The following AKAP10 variants were observed in gnomAD, a reference collection of about 807,000 sequenced individuals.
The protein encoded by AKAP10 is A-kinase anchoring protein 10.
A neutral mutation model predicts 80.8 loss-of-function variants in AKAP10; 24 were observed. The observed-to-expected ratio is 0.30, with a 90% CI of 0.22 to 0.42. The LOEUF (loss-of-function observed/expected upper bound fraction) is 0.42. Ranked by LOEUF, AKAP10 falls within the 10% of genes least tolerant of loss-of-function variation. AKAP10 has a pLI of 1.00. For missense variants in AKAP10, 661 were observed against 794.9 expected, an observed-to-expected ratio of 0.83 and a Z score of 2.03; for synonymous variants, 291 against 277.7, an observed-to-expected ratio of 1.05 and a Z score of -0.48.
At chr17:19,952,255 G>A (rs953737966) in intron 4 of AKAP10, among the ~76,000 whole-genome samples, 55 of 151,892 alleles carry the variant, frequency 3.6e-4, no homozygotes, top group African/African-American at 1.3e-3. Context: ...CCTGAGGTCA[G>A]GAGTTCAAGA....
Position 19,971,746 on chromosome 17 carries a change from C to T in AKAP10, c.89-3285G>A, listed in dbSNP as rs138129203. The stretch of plus-strand genomic sequence containing the variant: ...TTCAACTAGTGAACATTCTAGTACA[C>T]GTCTTCCTATGCATATAAGCAAGAA... On this transcript the variant is annotated intron_variant, in intron 1 of 14. Transcript: ENST00000225737. 7.2e-5 allele frequency among the ~76,000 whole-genome samples: 11 copies of T among 152,328 alleles called. No homozygotes were observed. In the East Asian group the frequency reaches 2.1e-3, roughly 29 times the overall value.
intron 10 of AKAP10, among the ~76,000 whole-genome samples, chr17:19,930,098 A>G (rs2152412690): frequency 6.6e-6 from 1 of 152,328 alleles, no homozygotes; most frequent in South Asian, 2.1e-4. Context: ...AACTTAACAG[A>G]AGAAAAAGAT....
chr17:19,963,665 T>G (rs571998623), intron 2 of AKAP10, among the ~76,000 whole-genome samples: 1 of 152,124 alleles, frequency 6.6e-6, no homozygotes, highest in African/African-American at 2.4e-5. Flanking sequence ...GAGGCCAAGG[T>G]GGGTGGATCA....
intron 5 of AKAP10, among the ~76,000 whole-genome samples, chr17:19,946,225 T>TAA (rs2043110269): frequency 4.5e-5 from 1 of 22,032 alleles, no homozygotes; most frequent in African/African-American, 1.8e-4. Flanking sequence ...ATATATTTTA[T>TAA]ATATATATAT....
intron 9 of AKAP10, among the ~76,000 whole-genome samples, chr17:19,935,393 T>TA (rs1398412164): frequency 1.3e-5 from 2 of 152,206 alleles, no homozygotes; most frequent in Non-Finnish European, 2.9e-5. Context: ...CCTAGCACAT[T>TA]ATTGTACACT....
rs768672115 is a variant in AKAP10, at chr17:19,905,491, G to A, written c.*736C>T. Reference sequence around the variant, plus strand: ...GTAACTGGAGTGCAGAATTCCAAAGGGGCAAATCCTAATGCTCAAAGTAAA... The same window carrying A: ...GTAACTGGAGTGCAGAATTCCAAAGAGGCAAATCCTAATGCTCAAAGTAAA... On this transcript the variant is annotated 3_prime_UTR_variant, in exon 15 of 15. Coordinates refer to ENST00000225737, the MANE Select transcript of AKAP10 (RefSeq NM_007202.4). 2 of 152,430 alleles carry A rather than the reference G, an allele frequency of 1.3e-5. No individual in the cohort carries two copies. Among genetic ancestry groups the A allele is most frequent in the Non-Finnish European group, 2.9e-5 (2 of 68,030 alleles). The allele number at this position is 152,430 out of a possible 1,614,324, so 9.4% of individuals were successfully genotyped here.
chr17:19,904,386 T>A lies in AKAP10; in HGVS notation c.*1841A>T, dbSNP rs973616855. 8 of 152,162 alleles carry A rather than the reference T, an allele frequency of 5.3e-5. No homozygotes were observed. Among genetic ancestry groups the A allele is most frequent in the African/African-American group, 1.7e-4 (7 of 41,454 alleles). The allele number at this position is 152,162 out of a possible 1,614,324, so 9.4% of individuals were successfully genotyped here. On this transcript the variant is annotated 3_prime_UTR_variant, in exon 15 of 15. Coordinates refer to ENST00000225737, the MANE Select transcript of AKAP10 (RefSeq NM_007202.4). The stretch of plus-strand genomic sequence containing the variant: ...ACAAAATGTATATACAAAGAAATGA[T>A]TAGAATTTATCTTAACTGAAAGCAC...
intron 12 of AKAP10, among the ~76,000 whole-genome samples, chr17:19,916,449 G>A (rs766896358): frequency 2.9e-4 from 44 of 152,114 alleles, no homozygotes; most frequent in African/African-American, 3.9e-4. Context: ...TGAATAGAAC[G>A]AGCAGAGATA....
At chr17:19,974,062 C>T (rs1323519931) in intron 1 of AKAP10, among the ~76,000 whole-genome samples, 4 of 152,124 alleles carry the variant, frequency 2.6e-5, no homozygotes, top group African/African-American at 9.7e-5. Context: ...CATGGTGGCG[C>T]ATGCCTGTAA....
intron 11 of AKAP10, among the ~76,000 whole-genome samples, chr17:19,920,960 T>A (rs1597492902): frequency 1.7e-5 from 1 of 59,500 alleles, no homozygotes; most frequent in Non-Finnish European, 3.9e-5. Context: ...ATAGAGAATC[T>A]TTTTTTTTTT....
intron 3 of AKAP10, among the ~76,000 whole-genome samples, chr17:19,960,772 T>A (rs1258648685): frequency 6.6e-6 from 1 of 152,146 alleles, no homozygotes; most frequent in African/African-American, 2.4e-5. Context: ...ATGCCTGTAA[T>A]CCCAGCACTT....
intron 4 of AKAP10, 89 bp from the exon 5 acceptor site, chr17:19,947,594 CTG>C: frequency 1.1e-6 from 1 of 871,192 alleles, no homozygotes; most frequent in Non-Finnish European, 1.9e-6. Flanking sequence ...GCTTAGATCA[CTG>C]TGAGTTCCTA....
chr17:19,909,864 C>T (rs535264302), intron 13 of AKAP10, 62 bp downstream of exon 13: 3 of 1,519,780 alleles, frequency 2.0e-6, no homozygotes, highest in African/African-American at 2.8e-5. Flanking sequence ...AATTTTAAAC[C>T]TCACTTACAT....
intron 9 of AKAP10, among the ~76,000 whole-genome samples, chr17:19,934,701 G>A (rs2042974150): frequency 1.3e-5 from 2 of 152,112 alleles, no homozygotes; most frequent in Admixed American, 6.6e-5. Flanking sequence ...TTACAGATAA[G>A]GAAAATGGCA....
rs113559903 is a variant in AKAP10 at position 19,917,243 on chromosome 17, C to T, written c.1834+2793G>A. ...TCGCGCCACAGCACTCCAGCCTGGC[C>T]GACAGAGAGAGACTCCATCTCAGGA... On this transcript the variant is annotated intron_variant, in intron 12 of 14. Transcript: ENST00000225737. Among the ~76,000 whole-genome samples the T allele has an allele frequency of 3.4e-3, 514 of 151,464 alleles. 3 individuals carry two copies. The highest frequency in any genetic ancestry group is 0.011 in the African/African-American group (462 of 41,234).
chr17:19,934,181 A>G (rs2042968038), intron 9 of AKAP10, among the ~76,000 whole-genome samples: 1 of 152,142 alleles, frequency 6.6e-6, no homozygotes, highest in South Asian at 2.1e-4. Context: ...TCGGCCTCCC[A>G]AAGTGCTGGG....
intron 10 of AKAP10, among the ~76,000 whole-genome samples, chr17:19,927,661 A>G (rs2042889149): frequency 6.6e-6 from 1 of 152,078 alleles, no homozygotes; most frequent in African/African-American, 2.4e-5. Flanking sequence ...CGGTAATCCC[A>G]GCACTTCGGG....
chr17:19,963,317 G>A (rs1297315674), intron 2 of AKAP10, among the ~76,000 whole-genome samples: 1 of 148,632 alleles, frequency 6.7e-6, no homozygotes, highest in South Asian at 2.1e-4. Flanking sequence ...CCATGTTCAA[G>A]TGATTCTCCT....
chr17:19,937,596 G>T (rs1003295064), intron 8 of AKAP10, among the ~76,000 whole-genome samples: 1 of 152,118 alleles, frequency 6.6e-6, no homozygotes, highest in Non-Finnish European at 1.5e-5. Context: ...TGAGTAAGTT[G>T]GTCAATACTC....
Sources: gnomAD v4.1 joint callset for allele counts (sites outside exome capture counted in the v4.1 genomes callset) on GRCh38, gnomAD v4.1.1 for gene constraint, MANE v1.5 for transcripts, NCBI Gene and HGNC (gene_info 2026-07-23, HGNC 2026-07-21) for gene names.